The following RRBP1 variants were observed in gnomAD, a reference collection of about 807,000 sequenced individuals.
RRBP1 encodes the protein ribosome-binding protein 1.
A neutral mutation model predicts 165.2 loss-of-function variants in RRBP1; 94 were observed. The ratio of observed to expected loss-of-function variants is 0.57; its 90% CI spans 0.48 to 0.68. The LOEUF (loss-of-function observed/expected upper bound fraction) is 0.68. Ranked by LOEUF, RRBP1 falls within the 30% of genes least tolerant of loss-of-function variation. RRBP1 has a pLI of 0.00. For missense variants in RRBP1, 1,676 were observed against 1,763.0 expected, an observed-to-expected ratio of 0.95 and a Z score of 0.88; for synonymous variants, 680 against 714.5, an observed-to-expected ratio of 0.95 and a Z score of 0.77.
chr20:17,620,608 C>T, intron 17 of RRBP1, 107 bp downstream of exon 17: 1 of 903,704 alleles, frequency 1.1e-6, no homozygotes, highest in African/African-American at 1.6e-5. Flanking sequence ...CGTGGAAAAG[C>T]CCCACCGAGA....
chr20:17,670,950 C>T (rs2036966177), intron 2 of RRBP1, among the ~76,000 whole-genome samples: 1 of 152,236 alleles, frequency 6.6e-6, no homozygotes, highest in African/African-American at 2.4e-5. Context: ...CAATTAGACA[C>T]ACTTCTGCAT....
At chr20:17,665,904 C>T (rs570850715) in intron 2 of RRBP1, among the ~76,000 whole-genome samples, 2 of 152,170 alleles carry the variant, frequency 1.3e-5, no homozygotes, top group African/African-American at 2.4e-5. Flanking sequence ...AGTGATAAAA[C>T]TTTCCCCATC....
intron 1 of RRBP1, among the ~76,000 whole-genome samples, chr20:17,680,711 G>A (rs2037165006): frequency 6.6e-6 from 1 of 152,074 alleles, no homozygotes; most frequent in Admixed American, 6.5e-5. Context: ...GTGGTCCGGG[G>A]TGTAGAACCC....
At position 17,636,668 on chromosome 20, in the gene RRBP1, A is replaced by G; in HGVS notation, c.2246T>C (p.Val749Ala). Residue 749 changes from valine to alanine, a missense_variant, in exon 6 of 25, where the codon GTG (valine) becomes GCG (alanine). Physicochemically the swap from Val to Ala is moderately conservative, Grantham distance 64. This residue lies in a region of RRBP1 where 1,184 missense variants were observed against 1,167.1 expected (regional missense o/e 1.01). Transcript: ENST00000377813. ...AGCCGTGATCTCCTGCTCCCGGGCCACCAGCTGCTTTTTCACTTTGGCCTC... is the reference window on the plus strand; with the variant it reads ...AGCCGTGATCTCCTGCTCCCGGGCCGCCAGCTGCTTTTTCACTTTGGCCTC... ...AGEAKVKKQL[V>A]AREQEITAVQ... 2 of 1,613,222 alleles carry G rather than the reference A, an allele frequency of 1.2e-6. No homozygotes were observed. Among genetic ancestry groups the G allele is most frequent in the Non-Finnish European group, 1.7e-6 (2 of 1,180,006 alleles).
chr20:17,616,511 C>T (rs900904845), intron 21 of RRBP1, among the ~76,000 whole-genome samples: 3 of 152,192 alleles, frequency 2.0e-5, no homozygotes, highest in African/African-American at 7.2e-5. Flanking sequence ...TCGAGTCCCA[C>T]CTCCCCCCAA....
chr20:17,655,199 CTTTT>C (rs1366556687), intron 3 of RRBP1, among the ~76,000 whole-genome samples: 3 of 152,032 alleles, frequency 2.0e-5, no homozygotes, highest in African/African-American at 7.2e-5. Context: ...TTTTTTCTTT[CTTTT>C]TAACATTTCT....
chr20:17,641,257 G>C (rs981289056), intron 5 of RRBP1, among the ~76,000 whole-genome samples: 2 of 152,240 alleles, frequency 1.3e-5, no homozygotes, highest in Non-Finnish European at 2.9e-5. Context: ...TTGCTGTTCA[G>C]AGTGCAAATG....
chr20:17,640,733 C>T (rs1008573027), intron 5 of RRBP1, among the ~76,000 whole-genome samples: 7 of 152,326 alleles, frequency 4.6e-5, no homozygotes, highest in African/African-American at 1.2e-4. Context: ...AGAGCAGCAT[C>T]GAAGAGCGGC....
At chr20:17,627,280 C>A in intron 11 of RRBP1, 68 bp downstream of exon 11, 2 of 1,543,354 alleles carry the variant, frequency 1.3e-6, no homozygotes, top group Non-Finnish European at 1.8e-6. Context: ...AAAACCCTGG[C>A]CCCCCAAGGG....
intron 3 of RRBP1, among the ~76,000 whole-genome samples, chr20:17,655,957 C>T (rs1477298034): frequency 6.6e-6 from 1 of 152,156 alleles, no homozygotes; most frequent in Non-Finnish European, 1.5e-5. Flanking sequence ...TGCAGAATCT[C>T]AGGCCCCACC....
chr20:17,669,289 T>C (rs2036929785), intron 2 of RRBP1, among the ~76,000 whole-genome samples: 2 of 152,236 alleles, frequency 1.3e-5, no homozygotes, highest in South Asian at 4.1e-4. Flanking sequence ...ATAACAGTCT[T>C]TGGAAAGTAG....
chr20:17,641,736 G>A (rs773919524), intron 5 of RRBP1, 61 bp downstream of exon 5: 231 of 1,597,652 alleles, frequency 1.4e-4, no homozygotes, highest in Non-Finnish European at 1.9e-4. Flanking sequence ...ACCGTGGATG[G>A]GGCGGGGGTC....
chr20:17,625,614 C>T lies in RRBP1; in HGVS notation c.2964-12G>A, dbSNP rs769853834. The T allele has an allele frequency of 1.9e-6, 3 of 1,611,770 alleles. No individual in the cohort carries two copies. Among genetic ancestry groups the T allele is most frequent in the Non-Finnish European group, 2.5e-6 (3 of 1,178,062 alleles). Reference sequence around the variant, plus strand: ...CCAGCTCCTTGAGGCTGAAGGGACACAACGAGGTCACCGCCTAGGCTCCAA... The same window carrying T: ...CCAGCTCCTTGAGGCTGAAGGGACATAACGAGGTCACCGCCTAGGCTCCAA... On this transcript the variant is annotated splice_polypyrimidine_tract_variant and intron_variant, in intron 11 of 24. Transcript: ENST00000377813.
rs1334374769 is a variant in RRBP1, at chr20:17,643,856, C to A, written c.1913-729G>T. On this transcript the variant is annotated intron_variant, in intron 3 of 24. Coordinates refer to ENST00000377813, the MANE Select transcript of RRBP1 (RefSeq NM_001365613.2). This position sits in a 1 kb window ranked among gnomAD's most constrained non-coding sequence, Gnocchi z 4.3. ...ACTTCTGAAAAACTAAAACTGCCGACACCCCCCACGCCCCTCCCCACACAC... is the reference window on the plus strand; with the variant it reads ...ACTTCTGAAAAACTAAAACTGCCGAAACCCCCCACGCCCCTCCCCACACAC... Among the ~76,000 whole-genome samples the A allele has an allele frequency of 6.6e-6, 1 of 152,174 alleles. No homozygotes were observed. The highest frequency in any genetic ancestry group is 2.4e-5 in the African/African-American group (1 of 41,444).
intron 9 of RRBP1, among the ~76,000 whole-genome samples, chr20:17,628,982 G>A (rs751588749): frequency 6.7e-5 from 10 of 150,316 alleles, no homozygotes; most frequent in Non-Finnish European, 1.2e-4. Context: ...ATCCATCCCC[G>A]ACAGAAACAG....
chr20:17,664,612 G>T lies in RRBP1; in HGVS notation c.-21-4084C>A, dbSNP rs1030594554. On this transcript the variant is annotated intron_variant, in intron 2 of 24. Coordinates refer to ENST00000377813, the MANE Select transcript of RRBP1 (RefSeq NM_001365613.2). ...TAAGATTCGGGGAACAAAAGTAAGA[G>T]GAAGCCCCAAACTCTTTAGACACAG... is the stretch of plus-strand genomic sequence containing the variant. Among the ~76,000 whole-genome samples the T allele has an allele frequency of 5.9e-5, 9 of 152,342 alleles. No individual in the cohort carries two copies. The South Asian group carries it at 1.9e-3, about 32-fold the overall frequency.
intron 6 of RRBP1, 87 bp from the exon 7 acceptor site, chr20:17,635,751 C>T: frequency 1.0e-6 from 1 of 997,652 alleles, no homozygotes; most frequent in Non-Finnish European, 1.5e-6. Flanking sequence ...AAGACACAGC[C>T]CACAAAAGAA....
chr20:17,660,009 C>G lies in RRBP1; in HGVS notation c.499G>C (p.Ala167Pro). The change falls in exon 3 of 25, where the codon GCT becomes CCT. Residue 167 changes from alanine to proline, a missense_variant. Ala to Pro is a conservative substitution (Grantham distance 27). Coordinates refer to ENST00000377813, the MANE Select transcript of RRBP1 (RefSeq NM_001365613.2). ...TTGGGAGCAGTTTCCAAGATGGCAG[C>G]CTTCGAAGTGAGAACCTGGATGGAA... ...VNSIQVLTSK[A>P]AILETAPKEV... 6.2e-7 allele frequency: 1 copy of G among 1,612,374 alleles called. No homozygotes were observed. Among genetic ancestry groups the G allele is most frequent in the Middle Eastern group, 1.7e-4 (1 of 6,060 alleles).
chr20:17,654,277 C>G (rs1175436724), intron 3 of RRBP1, among the ~76,000 whole-genome samples: 1 of 152,216 alleles, frequency 6.6e-6, no homozygotes, highest in African/African-American at 2.4e-5. Flanking sequence ...CTGGTGGCAG[C>G]AGGTGCTGAG....
Sources: gnomAD v4.1 joint callset for allele counts (sites outside exome capture counted in the v4.1 genomes callset) on GRCh38, gnomAD v4.1.1 for gene constraint, gnomAD v4.1.1 regional missense constraint, Gnocchi (gnomAD v3.1) non-coding constraint, MANE v1.5 for transcripts, NCBI Gene and HGNC (gene_info 2026-07-23, HGNC 2026-07-21) for gene names.